The following INPP5A variants were observed in gnomAD, a reference collection of about 807,000 sequenced individuals.
INPP5A encodes the protein 43 kDa inositol polyphosphate 5-phophatase.
In INPP5A, 14 loss-of-function variants were observed where a neutral mutation model predicts 65.2. The ratio of observed to expected loss-of-function variants is 0.21; its 90% CI spans 0.14 to 0.34. The LOEUF (loss-of-function observed/expected upper bound fraction) is 0.34. Ranked by LOEUF, INPP5A falls within the 10% of genes least tolerant of loss-of-function variation. The pLI, the probability that INPP5A is intolerant of heterozygous loss-of-function variation, is 1.00. For synonymous variants in INPP5A, 207 were observed against 208.3 expected (o/e 0.99, Z 0.05); for missense variants, 431 against 545.6 (o/e 0.79, Z 2.09).
chr10:132,655,412 C>T (rs568940879), intron 4 of INPP5A, among the ~76,000 whole-genome samples: 4 of 152,304 alleles, frequency 2.6e-5, no homozygotes, highest in East Asian at 3.9e-4. Flanking sequence ...AGTGCCTGGG[C>T]GAGGCTTTCC....
chr10:132,561,177 C>G (rs1212563043), intron 1 of INPP5A, among the ~76,000 whole-genome samples: 1 of 151,722 alleles, frequency 6.6e-6, no homozygotes, highest in African/African-American at 2.4e-5. Flanking sequence ...ATCCTCCCAC[C>G]CCAGCCTCTG....
chr10:132,613,766 G>A (rs1041978916), intron 2 of INPP5A, among the ~76,000 whole-genome samples: 23 of 152,198 alleles, frequency 1.5e-4, no homozygotes, highest in East Asian at 1.9e-4. Flanking sequence ...AGTGGGCCTC[G>A]CCAGGGCTGG....
chr10:132,747,409 A>G (rs1192010296), intron 9 of INPP5A, among the ~76,000 whole-genome samples: 2 of 152,238 alleles, frequency 1.3e-5, no homozygotes, highest in Non-Finnish European at 2.9e-5. Context: ...CTTTGGGGAT[A>G]GCGGGTGGCC....
intron 4 of INPP5A, among the ~76,000 whole-genome samples, chr10:132,684,891 C>G (rs2073095135): frequency 6.6e-6 from 1 of 152,204 alleles, no homozygotes; most frequent in Admixed American, 6.5e-5. Context: ...TGTGTCCTCA[C>G]AGCATGCAGC....
At chr10:132,679,984 A>G (rs2073021037) in intron 4 of INPP5A, among the ~76,000 whole-genome samples, 1 of 152,240 alleles carries the variant, frequency 6.6e-6, no homozygotes, top group Non-Finnish European at 1.5e-5. Flanking sequence ...TCAAAGACCT[A>G]AAACTATAAA....
intron 11 of INPP5A, 90 bp downstream of exon 11, chr10:132,749,935 C>T: frequency 9.0e-7 from 1 of 1,111,108 alleles, no homozygotes; most frequent in Non-Finnish European, 1.4e-6. Flanking sequence ...CTGGGACCAC[C>T]CTGCCTTGTC....
intron 1 of INPP5A, among the ~76,000 whole-genome samples, chr10:132,606,506 A>T (rs1231536580): frequency 6.6e-6 from 1 of 152,130 alleles, no homozygotes; most frequent in Non-Finnish European, 1.5e-5. Flanking sequence ...GTGTCCTTGA[A>T]GCCTGGAGCC....
chr10:132,736,181 C>T lies in INPP5A; in HGVS notation c.732+9276C>T, dbSNP rs186659581. Among the ~76,000 whole-genome samples, 493 of 152,362 alleles carry T rather than the reference C, an allele frequency of 3.2e-3. 2 individuals carry two copies. Among genetic ancestry groups the T allele is most frequent in the African/African-American group, 0.011 (441 of 41,590 alleles). On this transcript the variant is annotated intron_variant, in intron 9 of 15. Transcript: ENST00000368594. ...TCACACGAGTCAGTGATGCAGCCTGCGGCTCCAGCTGCTGCTGGGATGTTC... is the reference window on the plus strand; with the variant it reads ...TCACACGAGTCAGTGATGCAGCCTGTGGCTCCAGCTGCTGCTGGGATGTTC...
In INPP5A at chr10:132,618,664, G is replaced by A. The variant is rs572007328; in HGVS notation, c.117+10708G>A. Among the ~76,000 whole-genome samples, 35 of 152,170 alleles carry A rather than the reference G, an allele frequency of 2.3e-4. No homozygotes were observed. The Middle Eastern group carries it at 0.014, about 60-fold the overall frequency. On this transcript the variant is annotated intron_variant, in intron 2 of 15. Transcript: ENST00000368594. ...AGGGAAAGAGGTTTAATTCGCTCAC[G>A]GTTCGCAGGATGTGCAGGAAGCTTA...
chr10:132,719,700 A>G (rs565643971), intron 8 of INPP5A, among the ~76,000 whole-genome samples: 35 of 142,850 alleles, frequency 2.5e-4, no homozygotes, highest in Admixed American at 1.0e-3. Flanking sequence ...GTTCTGTGGT[A>G]CCTGGGTTCT....
Position 132,782,666 on chromosome 10 carries a change from A to G in INPP5A, c.*637A>G, listed in dbSNP as rs1384284779. 1 of 152,182 alleles carries G rather than the reference A, an allele frequency of 6.6e-6. No homozygotes were observed. Among genetic ancestry groups the G allele is most frequent in the Non-Finnish European group, 1.5e-5 (1 of 68,012 alleles). The allele number at this position is 152,182 out of a possible 1,614,324, so 9.4% of individuals were successfully genotyped here. A position where few individuals can be genotyped will look rare whatever the true frequency, so the allele number is the denominator to read the frequency against. On this transcript the variant is annotated 3_prime_UTR_variant, in exon 16 of 16. Transcript: ENST00000368594. The surrounding 1 kb of genome is among the most constrained non-coding windows in gnomAD (Gnocchi z 4.4). ...TAAATCTTACCAAAACTTATGCTAA[A>G]TATACTTTCCAGTATGAACGCACAG...
intron 4 of INPP5A, among the ~76,000 whole-genome samples, chr10:132,664,547 C>G (rs926882241): frequency 1.3e-5 from 2 of 152,192 alleles, no homozygotes; most frequent in African/African-American, 2.4e-5. Flanking sequence ...ACACAGACCT[C>G]GCCTGTTGCC....
At chr10:132,586,240 G>A (rs902184763) in intron 1 of INPP5A, among the ~76,000 whole-genome samples, 2 of 152,184 alleles carry the variant, frequency 1.3e-5, no homozygotes, top group Non-Finnish European at 1.5e-5. Flanking sequence ...CCTTCTCCAC[G>A]TCTCCCCCAC....
At chr10:132,695,649 C>T (rs1374592356) in intron 5 of INPP5A, among the ~76,000 whole-genome samples, 1 of 152,182 alleles carries the variant, frequency 6.6e-6, no homozygotes, top group African/African-American at 2.4e-5. Context: ...ATTATAGCAA[C>T]ATTGCAGGAT....
At chr10:132,690,593 A>C in intron 5 of INPP5A, 138 bp downstream of exon 5, 2 of 645,850 alleles carry the variant, frequency 3.1e-6, no homozygotes, top group Non-Finnish European at 5.4e-6. Flanking sequence ...TCCAGAGGTC[A>C]CTCCAGGGGC....
At chr10:132,643,277 C>T (rs2133387694) in intron 2 of INPP5A, among the ~76,000 whole-genome samples, 1 of 152,318 alleles carries the variant, frequency 6.6e-6, no homozygotes, top group African/African-American at 2.4e-5. Flanking sequence ...TATTGTACTA[C>T]TGCCACTGTC....
chr10:132,591,585 T>G (rs2071619903), intron 1 of INPP5A, among the ~76,000 whole-genome samples: 1 of 152,272 alleles, frequency 6.6e-6, no homozygotes, highest in Non-Finnish European at 1.5e-5. Flanking sequence ...TTTTCCTTGT[T>G]GCATTGGAAG....
chr10:132,570,342 T>C (rs948674372), intron 1 of INPP5A, among the ~76,000 whole-genome samples: 3 of 152,248 alleles, frequency 2.0e-5, no homozygotes, highest in Non-Finnish European at 2.9e-5. Flanking sequence ...AGCCCTTCTG[T>C]GGATGCCCCG....
intron 12 of INPP5A, among the ~76,000 whole-genome samples, chr10:132,776,556 A>G (rs1376444386): frequency 1.3e-5 from 2 of 152,230 alleles, no homozygotes; most frequent in Admixed American, 6.5e-5. Context: ...TTTGGAATTA[A>G]CTGAAAAAAC....
Sources: gnomAD v4.1 joint callset for allele counts (sites outside exome capture counted in the v4.1 genomes callset) on GRCh38, gnomAD v4.1.1 for gene constraint, Gnocchi (gnomAD v3.1) non-coding constraint, MANE v1.5 for transcripts, NCBI Gene and HGNC (gene_info 2026-07-23, HGNC 2026-07-21) for gene names.